ILRUN: variants seen among roughly 807,000 people sequenced by gnomAD.
ILRUN encodes inflammation and lipid regulator with UBA-like and NBR1-like domains, also known as protein ILRUN.
In ILRUN, 3 loss-of-function variants were observed where a neutral mutation model predicts 33.8. That is an observed-to-expected ratio of 0.09 (90% confidence interval 0.04 to 0.23). ILRUN has a LOEUF of 0.23. Ranked by LOEUF, ILRUN falls within the 10% of genes least tolerant of loss-of-function variation. The probability of loss-of-function intolerance (pLI) is 1.00; values close to 1 mark genes in which losing one functional copy is unlikely to be tolerated. For missense variants in ILRUN, 210 were observed against 375.1 expected, an observed-to-expected ratio of 0.56 and a Z score of 3.64; for synonymous variants, 124 against 138.9, an observed-to-expected ratio of 0.89 and a Z score of 0.75.
At chr6:34,630,194 T>A (rs1001623104) in intron 3 of ILRUN, among the ~76,000 whole-genome samples, 2 of 152,192 alleles carry the variant, frequency 1.3e-5, no homozygotes, top group Non-Finnish European at 2.9e-5. Flanking sequence ...GACAAAGGGA[T>A]GATTCATATC....
intron 3 of ILRUN, among the ~76,000 whole-genome samples, chr6:34,609,472 AGAGT>A (rs1332936657): frequency 4.6e-5 from 7 of 151,954 alleles, no homozygotes; most frequent in African/African-American, 1.7e-4. Flanking sequence ...CCTGGATGAC[AGAGT>A]AAGAGCCTAT....
chr6:34,655,732 G>A (rs564945189), intron 1 of ILRUN, among the ~76,000 whole-genome samples: 28 of 152,158 alleles, frequency 1.8e-4, no homozygotes, highest in Admixed American at 1.2e-3. Context: ...CTGTGCCAGA[G>A]TTTGTGGTTT....
At position 34,656,047 on chromosome 6, in the gene ILRUN, A is replaced by C. The variant is rs1470024710; in HGVS notation, c.159-1268T>G. On this transcript the variant is annotated intron_variant, in intron 1 of 4. Transcript: ENST00000374023. Reference sequence around the variant, plus strand: ...CAGGAGTTCAAGATCAGCCTGGCCAACATAGTGAAACCCGTCTCTACTAAA... The same window carrying C: ...CAGGAGTTCAAGATCAGCCTGGCCACCATAGTGAAACCCGTCTCTACTAAA... Among the ~76,000 whole-genome samples the C allele has an allele frequency of 2.0e-5, 3 of 152,184 alleles. No homozygotes were observed. In the East Asian group the frequency reaches 5.8e-4, roughly 29 times the overall value.
intron 3 of ILRUN, among the ~76,000 whole-genome samples, chr6:34,629,815 T>C (rs1214132897): frequency 6.6e-6 from 1 of 152,238 alleles, no homozygotes; most frequent in Non-Finnish European, 1.5e-5. Context: ...CTTTTGTAGT[T>C]GTCCCACAGC....
chr6:34,632,086 AC>A (rs1416049379), intron 3 of ILRUN, among the ~76,000 whole-genome samples: 3 of 152,250 alleles, frequency 2.0e-5, no homozygotes, highest in African/African-American at 4.8e-5. Context: ...TATTTAAACA[AC>A]AAAAAAGTTT....
chr6:34,651,284 C>T (rs927711795), intron 2 of ILRUN, among the ~76,000 whole-genome samples: 1 of 152,144 alleles, frequency 6.6e-6, no homozygotes, highest in African/African-American at 2.4e-5. Flanking sequence ...TGTTCAGGCA[C>T]AAGAATGCCC....
At chr6:34,673,207 A>T (rs1324841550) in intron 1 of ILRUN, among the ~76,000 whole-genome samples, 2 of 152,080 alleles carry the variant, frequency 1.3e-5, no homozygotes, top group African/African-American at 2.4e-5. Context: ...CAGGAAGCTT[A>T]AAAAAAATTG....
chr6:34,646,935 T>C lies in ILRUN; in HGVS notation c.314-137A>G. The C allele has an allele frequency of 1.4e-6, 1 of 715,544 alleles. No individual in the cohort carries two copies. Among genetic ancestry groups the C allele is most frequent in the Non-Finnish European group, 2.3e-6 (1 of 427,210 alleles). 44.3% of individuals were successfully genotyped at this position (715,544 alleles called of 1,614,324 possible). A position where few individuals can be genotyped will look rare whatever the true frequency, so the allele number is the denominator to read the frequency against. On this transcript the variant is annotated intron_variant, in intron 2 of 4. Coordinates refer to ENST00000374023, the MANE Select transcript of ILRUN (RefSeq NM_024294.4). This position sits in a 1 kb window ranked among gnomAD's most constrained non-coding sequence, Gnocchi z 4.9. ...AACCTAACCACATATACCTAAGCCA[T>C]ATATTGTCTCACACAACTGATCAAA... is the stretch of plus-strand genomic sequence containing the variant.
intron 1 of ILRUN, among the ~76,000 whole-genome samples, chr6:34,672,342 ACCT>A (rs1315220985): frequency 6.6e-6 from 1 of 151,822 alleles, no homozygotes; most frequent in Non-Finnish European, 1.5e-5. Context: ...TGATCCACTC[ACCT>A]CTCAAAGTGC....
intron 3 of ILRUN, among the ~76,000 whole-genome samples, chr6:34,610,083 C>G (rs945990062): frequency 6.6e-6 from 1 of 151,792 alleles, no homozygotes; most frequent in Non-Finnish European, 1.5e-5. Flanking sequence ...ATGGCATGAA[C>G]CCGGGAGGCA....
chr6:34,620,399 G>A (rs1761989788), intron 3 of ILRUN, among the ~76,000 whole-genome samples: 1 of 152,188 alleles, frequency 6.6e-6, no homozygotes, highest in African/African-American at 2.4e-5. Context: ...GTGTTGCCCT[G>A]TTGGAAGTTG....
chr6:34,608,798 A>G (rs1761685860), intron 3 of ILRUN, among the ~76,000 whole-genome samples: 1 of 152,250 alleles, frequency 6.6e-6, no homozygotes, highest in South Asian at 2.1e-4. Context: ...ACATTTGGTC[A>G]TAGTTCAGCT....
chr6:34,691,072 T>A (rs2127391337), intron 1 of ILRUN, among the ~76,000 whole-genome samples: 1 of 152,172 alleles, frequency 6.6e-6, no homozygotes, highest in South Asian at 2.1e-4. Context: ...GTATTTTTAG[T>A]AGAGACGGGG....
At chr6:34,600,774 T>C (rs1053466114) in intron 4 of ILRUN, among the ~76,000 whole-genome samples, 1 of 152,170 alleles carries the variant, frequency 6.6e-6, no homozygotes, top group Non-Finnish European at 1.5e-5. Flanking sequence ...TGGTCAACAA[T>C]TGCCTTGATC....
chr6:34,650,350 T>G lies in ILRUN; in HGVS notation c.314-3552A>C, dbSNP rs576900178. ...TTATTAGATATCTCAGTTCTGCTTC[T>G]GCAAATCTAAATCTAAGGACTTAAA... On this transcript the variant is annotated intron_variant, in intron 2 of 4. Transcript: ENST00000374023. 8.5e-5 allele frequency among the ~76,000 whole-genome samples: 13 copies of G among 152,154 alleles called. No homozygotes were observed. The East Asian group carries it at 2.1e-3, about 25-fold the overall frequency.
At chr6:34,693,990 G>A (rs964268098) in intron 1 of ILRUN, among the ~76,000 whole-genome samples, 5 of 151,706 alleles carry the variant, frequency 3.3e-5, no homozygotes, top group African/African-American at 9.7e-5. Flanking sequence ...GACTCATTTC[G>A]CTGTATTTTT....
intron 4 of ILRUN, among the ~76,000 whole-genome samples, chr6:34,593,750 AAGAG>A (rs1477899119): frequency 1.3e-5 from 2 of 152,140 alleles, no homozygotes; most frequent in African/African-American, 4.8e-5. Flanking sequence ...CACTTCAAGG[AAGAG>A]AGAGGGCACC....
chr6:34,667,287 G>GT (rs1763025982), intron 1 of ILRUN, among the ~76,000 whole-genome samples: 1 of 152,128 alleles, frequency 6.6e-6, no homozygotes, highest in Non-Finnish European at 1.5e-5. Context: ...ATGGCTGAAG[G>GT]TAAGGCAAAT....
In ILRUN at chr6:34,588,280, GAAGC is replaced by G; in HGVS notation, c.*2281_*2284del. The G allele has an allele frequency of 2.5e-6, 1 of 398,592 alleles. No individual in the cohort carries two copies. The highest frequency in any genetic ancestry group is 4.4e-6 in the Non-Finnish European group (1 of 226,074). 24.7% of individuals were successfully genotyped at this position (398,592 alleles called of 1,614,324 possible). On this transcript the variant is annotated 3_prime_UTR_variant, in exon 5 of 5. Coordinates refer to ENST00000374023, the MANE Select transcript of ILRUN (RefSeq NM_024294.4). The stretch of plus-strand genomic sequence containing the variant: ...TTAACTTGCCAAGTGTGGTTGCCTA[GAAGC>G]AAGAGGAAGAGCAAGACGACTCTGG...
Sources: gnomAD v4.1 joint callset for allele counts (sites outside exome capture counted in the v4.1 genomes callset) on GRCh38, gnomAD v4.1.1 for gene constraint, Gnocchi (gnomAD v3.1) non-coding constraint, MANE v1.5 for transcripts, NCBI Gene and HGNC (gene_info 2026-07-23, HGNC 2026-07-21) for gene names.